Variants in CNTNAP5 observed in about 807,000 individuals in gnomAD.
The protein encoded by CNTNAP5 is contactin associated protein family member 5.
CNTNAP5 carries 72 observed loss-of-function variants against 150.2 expected under a neutral mutation model. The observed-to-expected ratio is 0.48, with a 90% CI of 0.40 to 0.58. The LOEUF (loss-of-function observed/expected upper bound fraction) is 0.58, where lower values mean the gene tolerates loss of function less well. Ranked by LOEUF, CNTNAP5 falls within the 20% of genes least tolerant of loss-of-function variation. CNTNAP5 has a pLI of 0.00. For synonymous variants in CNTNAP5, 672 were observed against 619.8 expected (o/e 1.08, Z -1.25); for missense variants, 1,636 against 1,626.2 (o/e 1.01, Z -0.10).
At chr2:124,173,834 A>G (rs1255958772) in intron 1 of CNTNAP5, among the ~76,000 whole-genome samples, 2 of 152,230 alleles carry the variant, frequency 1.3e-5, no homozygotes, top group Non-Finnish European at 2.9e-5. Context: ...TTGGAAGAGA[A>G]TGTGATCTAG....
intron 1 of CNTNAP5, among the ~76,000 whole-genome samples, chr2:124,029,201 C>A: frequency 6.6e-6 from 1 of 152,040 alleles, no homozygotes; most frequent in East Asian, 1.9e-4. Flanking sequence ...TATATGAGGA[C>A]TTCAATCAGA....
chr2:124,228,701 A>G (rs567237479), intron 2 of CNTNAP5, among the ~76,000 whole-genome samples: 2 of 152,328 alleles, frequency 1.3e-5, no homozygotes, highest in East Asian at 3.9e-4. Context: ...AGCTTTAGAT[A>G]GTGTTTTCTT....
chr2:124,544,792 G>A (rs1695475090), intron 10 of CNTNAP5, among the ~76,000 whole-genome samples: 1 of 152,158 alleles, frequency 6.6e-6, no homozygotes, highest in African/African-American at 2.4e-5. Context: ...GACTGCACCA[G>A]AGGTTAAGTA....
chr2:124,535,263 G>C (rs755801049), intron 10 of CNTNAP5, among the ~76,000 whole-genome samples: 5 of 152,172 alleles, frequency 3.3e-5, no homozygotes, highest in Non-Finnish European at 7.3e-5. Flanking sequence ...GGGAGGCAAA[G>C]TCAGATATGG....
chr2:124,557,147 G>A (rs1178798657), intron 10 of CNTNAP5, among the ~76,000 whole-genome samples: 1 of 152,044 alleles, frequency 6.6e-6, no homozygotes, highest in African/African-American at 2.4e-5. Flanking sequence ...ATGGACATAA[G>A]TAATCAAAAG....
At chr2:124,152,166 A>G (rs1345293090) in intron 1 of CNTNAP5, among the ~76,000 whole-genome samples, 4 of 152,236 alleles carry the variant, frequency 2.6e-5, no homozygotes, top group Admixed American at 6.5e-5. Context: ...GCCAGCGCAC[A>G]TACAGGAGAA....
intron 3 of CNTNAP5, among the ~76,000 whole-genome samples, chr2:124,391,251 T>C (rs2104748543): frequency 6.6e-6 from 1 of 152,344 alleles, no homozygotes; most frequent in South Asian, 2.1e-4. Flanking sequence ...GAAGAATGTA[T>C]AAACAGTAGG....
chr2:124,408,416 C>G (rs1054289423), intron 3 of CNTNAP5, among the ~76,000 whole-genome samples: 1 of 152,186 alleles, frequency 6.6e-6, no homozygotes, highest in Admixed American at 6.5e-5. Context: ...TCTGTAGGCT[C>G]CACCTCTGGG....
At chr2:124,459,808 A>G (rs116419703) in intron 6 of CNTNAP5, among the ~76,000 whole-genome samples, 3,104 of 151,884 alleles carry the variant, frequency 0.02, 111 homozygotes, top group African/African-American at 0.069. Context: ...AATGGGAATA[A>G]TACAGCCCAT....
At chr2:124,203,979 T>A (rs2178357) in intron 1 of CNTNAP5, among the ~76,000 whole-genome samples, 42,860 of 152,114 alleles carry the variant, frequency 0.28, 6,262 homozygotes, top group South Asian at 0.47. Context: ...TCAAAAAATG[T>A]TTTTTTGTTT....
At chr2:124,400,114 A>G (rs199911985) in intron 3 of CNTNAP5, among the ~76,000 whole-genome samples, 64 of 67,376 alleles carry the variant, frequency 9.5e-4, no homozygotes, top group Admixed American at 3.2e-3. Context: ...AGGGCTTATA[A>G]TGAAAAAAAA....
Position 124,459,958 on chromosome 2 carries a change from C to T in CNTNAP5, c.918+13021C>T, listed in dbSNP as rs912622259. 3.5e-4 allele frequency among the ~76,000 whole-genome samples: 53 copies of T among 152,112 alleles called. 2 individuals carry two copies. The highest frequency in any genetic ancestry group is 1.2e-3 in the African/African-American group (48 of 41,424). ...AAATGACTCTTTTATCTTTCCCAGT[C>T]TATTGGTCAGGCTTTGGTCTTAGGC... On this transcript the variant is annotated intron_variant, in intron 6 of 23. Coordinates refer to ENST00000682447, the MANE Select transcript of CNTNAP5 (RefSeq NM_001367498.1).
intron 4 of CNTNAP5, among the ~76,000 whole-genome samples, chr2:124,422,502 C>T (rs1053525282): frequency 3.3e-5 from 5 of 152,128 alleles, no homozygotes; most frequent in African/African-American, 1.2e-4. Context: ...CAGTTAACTG[C>T]GTGATTGTCT....
At chr2:124,049,277 T>C (rs759101726) in intron 1 of CNTNAP5, among the ~76,000 whole-genome samples, 9 of 152,188 alleles carry the variant, frequency 5.9e-5, no homozygotes, top group Non-Finnish European at 8.8e-5. Context: ...GAAGGCTTCA[T>C]GTTGCTCTGT....
intron 4 of CNTNAP5, among the ~76,000 whole-genome samples, chr2:124,422,963 A>C (rs1692143511): frequency 6.6e-6 from 1 of 152,214 alleles, no homozygotes; most frequent in South Asian, 2.1e-4. Context: ...GTTATCTCAA[A>C]CATCACTTCA....
intron 3 of CNTNAP5, among the ~76,000 whole-genome samples, chr2:124,398,480 C>CTTTCTTTATTTA (rs1553464687): frequency 6.8e-6 from 1 of 147,888 alleles, no homozygotes; most frequent in Non-Finnish European, 1.5e-5. Context: ...GAAATTTTTA[C>CTTTCTTTATTTA]TTTATTTATT....
intron 13 of CNTNAP5, among the ~76,000 whole-genome samples, chr2:124,653,524 T>C (rs936740591): frequency 6.6e-5 from 10 of 152,110 alleles, no homozygotes; most frequent in African/African-American, 2.2e-4. Context: ...CATCACGTAC[T>C]CTTTATGTGT....
intron 12 of CNTNAP5, among the ~76,000 whole-genome samples, chr2:124,620,156 G>A (rs1228474271): frequency 6.6e-6 from 1 of 151,798 alleles, no homozygotes; most frequent in Non-Finnish European, 1.5e-5. Flanking sequence ...ATGAATCTTT[G>A]GATCTACTTT....
intron 2 of CNTNAP5, among the ~76,000 whole-genome samples, chr2:124,240,362 G>A (rs1208106175): frequency 6.6e-6 from 1 of 152,174 alleles, no homozygotes; most frequent in Non-Finnish European, 1.5e-5. Flanking sequence ...AAAGCAAGTG[G>A]AGAAGGAGCA....
Sources: allele counts gnomAD v4.1 joint callset (sites outside exome capture counted in the v4.1 genomes callset), GRCh38; gene constraint gnomAD v4.1.1; transcripts MANE v1.5; gene names NCBI Gene and HGNC (gene_info 2026-07-23, HGNC 2026-07-21).